PHF2: variants seen among roughly 807,000 people sequenced by gnomAD.
The protein encoded by PHF2 is lysine-specific demethylase PHF2.
In PHF2, 27 loss-of-function variants were observed where a neutral mutation model predicts 120.5. That is an observed-to-expected ratio of 0.22 (90% CI 0.17 to 0.31). The LOEUF (loss-of-function observed/expected upper bound fraction) is 0.31, where lower values mean the gene tolerates loss of function less well. Ranked by LOEUF, PHF2 falls within the 10% of genes least tolerant of loss-of-function variation. The pLI is 1.00. For synonymous variants in PHF2, 568 were observed against 592.5 expected, an observed-to-expected ratio of 0.96 and a Z score of 0.60; for missense variants, 1,024 against 1,434.8, an observed-to-expected ratio of 0.71 and a Z score of 4.63.
At chr9:93,609,545 C>G (rs1296903515) in intron 1 of PHF2, among the ~76,000 whole-genome samples, 1 of 149,074 alleles carries the variant, frequency 6.7e-6, no homozygotes, top group African/African-American at 2.5e-5. Flanking sequence ...ATACAGAATT[C>G]TAGGTTGGTT....
chr9:93,635,407 G>A (rs7044244), intron 2 of PHF2, among the ~76,000 whole-genome samples: 55,939 of 151,840 alleles, frequency 0.37, 10,650 homozygotes, highest in Non-Finnish European at 0.39. Flanking sequence ...GGCACAATAC[G>A]GGCCCTGCCT....
In PHF2 at chr9:93,654,453, A is replaced by G. The variant is rs751859230; in HGVS notation, c.830A>G (p.Asn277Ser). 139 of 1,613,774 alleles carry G rather than the reference A, an allele frequency of 8.6e-5. No individual in the cohort carries two copies. The highest frequency in any genetic ancestry group is 1.2e-4 in the Non-Finnish European group (136 of 1,179,950). The stretch of plus-strand genomic sequence containing the variant: ...TATCTCATCAGGCCGGCCTCGGCCA[A>G]CATCTCCCTGTATGAGCGCTGGCGG... ...TFYLIRPASA[N>S]ISLYERWRSA... Residue 277 changes from asparagine (N) to serine (S), a missense_variant, in exon 7 of 22, where the codon AAC (asparagine) becomes AGC (serine). Physicochemically the swap from Asn to Ser is conservative, Grantham distance 46. This residue lies in a region of PHF2 where 347 missense variants were observed against 577.4 expected (regional missense o/e 0.60). Coordinates refer to ENST00000359246, the MANE Select transcript of PHF2 (RefSeq NM_005392.4).
At chr9:93,636,614 C>A in intron 3 of PHF2, 89 bp downstream of exon 3, 1 of 956,972 alleles carries the variant, frequency 1.0e-6, no homozygotes, top group South Asian at 1.5e-5. Context: ...TTGCTGGGGG[C>A]TTCCTTTGCT....
chr9:93,617,743 A>C (rs1317195113), intron 1 of PHF2, among the ~76,000 whole-genome samples: 1 of 152,200 alleles, frequency 6.6e-6, no homozygotes, highest in Admixed American at 6.5e-5. Context: ...CCGAGTCCTA[A>C]AACTGAAGAA....
intron 1 of PHF2, among the ~76,000 whole-genome samples, chr9:93,592,659 A>G (rs1825251016): frequency 6.6e-6 from 1 of 152,110 alleles, no homozygotes; most frequent in East Asian, 1.9e-4. Flanking sequence ...TCTTGGTGCC[A>G]GTGACCTGAG....
intron 18 of PHF2, 39 bp from the exon 19 acceptor site, chr9:93,674,888 G>A: frequency 1.3e-6 from 2 of 1,490,238 alleles, no homozygotes; most frequent in Non-Finnish European, 1.9e-6. Flanking sequence ...GACCTGCCCT[G>A]CACTCAGCGG....
Position 93,656,652 on chromosome 9 carries a change from C to A in PHF2, c.1147+57C>A. ...CTGGGGCTCTTGGCTGTGGGGGCAGCCAGACCTGGTCAGGGCTGACTGTCT... is the reference window on the plus strand; with the variant it reads ...CTGGGGCTCTTGGCTGTGGGGGCAGACAGACCTGGTCAGGGCTGACTGTCT... On this transcript the variant is annotated intron_variant, in intron 9 of 21. Transcript: ENST00000359246. The surrounding 1 kb of genome is among the most constrained non-coding windows in gnomAD (Gnocchi z 4.1). The A allele has an allele frequency of 8.2e-7, 1 of 1,212,528 alleles. No individual in the cohort carries two copies. Among genetic ancestry groups the A allele is most frequent in the Non-Finnish European group, 1.2e-6 (1 of 820,810 alleles). 75.1% of individuals were successfully genotyped at this position (1,212,528 alleles called of 1,614,324 possible).
intron 1 of PHF2, among the ~76,000 whole-genome samples, chr9:93,603,836 T>C (rs1825489700): frequency 1.3e-5 from 2 of 152,170 alleles, no homozygotes; most frequent in Non-Finnish European, 2.9e-5. Context: ...CTCTCTCCCA[T>C]GGCATCCCCA....
chr9:93,624,147 A>G (rs1232395631), intron 1 of PHF2, among the ~76,000 whole-genome samples: 2 of 152,242 alleles, frequency 1.3e-5, no homozygotes, highest in African/African-American at 4.8e-5. Context: ...AAGGCTAATA[A>G]TAAGAATTCC....
At chr9:93,671,625 T>C (rs1826794589) in intron 17 of PHF2, among the ~76,000 whole-genome samples, 1 of 141,656 alleles carries the variant, frequency 7.1e-6, no homozygotes, top group African/African-American at 2.7e-5. Context: ...GGTGTGGGTG[T>C]GGATGTAGGT....
chr9:93,619,702 C>T (rs1299933014), intron 1 of PHF2, among the ~76,000 whole-genome samples: 2 of 152,258 alleles, frequency 1.3e-5, no homozygotes, highest in Admixed American at 1.3e-4. Flanking sequence ...TGCTACCCAG[C>T]CCTGGTGGGC....
intron 3 of PHF2, among the ~76,000 whole-genome samples, chr9:93,640,846 A>T (rs1481213046): frequency 6.6e-6 from 1 of 152,166 alleles, no homozygotes; most frequent in Non-Finnish European, 1.5e-5. Context: ...GTTTTATGTT[A>T]ATCTGAGTAG....
intron 2 of PHF2, 26 bp from the exon 3 acceptor site, chr9:93,636,385 G>C (rs758091842): frequency 6.4e-7 from 1 of 1,568,338 alleles, no homozygotes. Flanking sequence ...CTGTGTGACC[G>C]ACCTTGCTTC....
chr9:93,583,747 A>G (rs1237183073), intron 1 of PHF2, among the ~76,000 whole-genome samples: 1 of 151,436 alleles, frequency 6.6e-6, no homozygotes, highest in Non-Finnish European at 1.5e-5. Flanking sequence ...CCACTTTTAC[A>G]TTGGATTGCT....
rs1826947277 is a variant in PHF2, at chr9:93,677,794, C to T, written c.*118C>T. 3.0e-5 allele frequency: 21 copies of T among 701,146 alleles called. No homozygotes were observed. In the South Asian group the frequency reaches 3.7e-4, roughly 12 times the overall value. The allele number at this position is 701,146 out of a possible 1,614,324, so 43.4% of individuals were successfully genotyped here. On this transcript the variant is annotated 3_prime_UTR_variant, in exon 22 of 22. Coordinates refer to ENST00000359246, the MANE Select transcript of PHF2 (RefSeq NM_005392.4). This position sits in a 1 kb window ranked among gnomAD's most constrained non-coding sequence, Gnocchi z 4.4. ...CAGGGAGGGCCTTGCCTCTTCCCGG[C>T]TGCCATCTCCCCAACAAGCGTCTGT...
chr9:93,587,078 T>A (rs35094322), intron 1 of PHF2, among the ~76,000 whole-genome samples: 53,370 of 152,112 alleles, frequency 0.35, 9,967 homozygotes, highest in South Asian at 0.63. Context: ...TAGTTTGCAG[T>A]CTGTAAAGTT....
intron 1 of PHF2, among the ~76,000 whole-genome samples, chr9:93,598,127 C>T (rs1394833930): frequency 6.6e-5 from 10 of 152,202 alleles, no homozygotes; most frequent in African/African-American, 2.4e-4. Context: ...TCCTCAGGCC[C>T]CTTGCGGGGA....
At chr9:93,634,134 G>T (rs1826052867) in intron 2 of PHF2, among the ~76,000 whole-genome samples, 1 of 152,116 alleles carries the variant, frequency 6.6e-6, no homozygotes, top group Non-Finnish European at 1.5e-5. Context: ...GTCCCACTTG[G>T]CTCCCCCATG....
chr9:93,623,825 G>A (rs1413474467), intron 1 of PHF2, among the ~76,000 whole-genome samples: 1 of 152,174 alleles, frequency 6.6e-6, no homozygotes, highest in African/African-American at 2.4e-5. Flanking sequence ...ATCTTTTTCT[G>A]GGCTTCATGC....
Sources: allele counts gnomAD v4.1 joint callset (sites outside exome capture counted in the v4.1 genomes callset), GRCh38; gene constraint gnomAD v4.1.1; regional missense constraint gnomAD v4.1.1; non-coding constraint Gnocchi (gnomAD v3.1); transcripts MANE v1.5; gene names NCBI Gene and HGNC (gene_info 2026-07-23, HGNC 2026-07-21).